ARL14EPL: variants seen among roughly 807,000 people sequenced by gnomAD.
ARL14EPL encodes ARL14 effector protein-like.
In ARL14EPL, 17 loss-of-function variants were observed where a neutral mutation model predicts 15.9. The ratio of observed to expected loss-of-function variants is 1.07; its 90% CI spans 0.73 to 1.60. The LOEUF (loss-of-function observed/expected upper bound fraction) is 1.60. Among genes scored for constraint, ARL14EPL ranks in the 40% most tolerant of loss-of-function variants. The pLI is 0.00. For missense variants in ARL14EPL, 214 were observed against 185.9 expected, an observed-to-expected ratio of 1.15 and a Z score of -0.88; for synonymous variants, 78 against 63.8, an observed-to-expected ratio of 1.22 and a Z score of -1.06.
At chr5:116,051,602 T>C (rs1749380902) in intron 2 of ARL14EPL, 41 bp downstream of exon 2, 1 of 1,462,808 alleles carries the variant, frequency 6.8e-7, no homozygotes. Flanking sequence ...TACTGGGGAG[T>C]GCCCCCTCGA....
At chr5:116,042,119 C>T (rs1488402223) in intron 1 of ARL14EPL, among the ~76,000 whole-genome samples, 1 of 152,172 alleles carries the variant, frequency 6.6e-6, no homozygotes, top group African/African-American at 2.4e-5. Flanking sequence ...GTGTGAGCCA[C>T]AATGTCTGAC....
rs1212689025 is a variant in ARL14EPL at position 116,051,518 on chromosome 5, A to T, written c.53A>T (p.His18Leu). 4 of 1,535,666 alleles carry T rather than the reference A, an allele frequency of 2.6e-6. No homozygotes were observed. Among genetic ancestry groups the T allele is most frequent in the African/African-American group, 2.7e-5 (2 of 73,052 alleles). ...TCCATTCAAGAGAGACACACAGATC[A>T]TAGTTTTCCTGAGAAGAACTGTCAA... is the stretch of plus-strand genomic sequence containing the variant. ...NNSIQERHTD[H>L]SFPEKNCQIG... Residue 18 changes from histidine (H) to leucine (L), a missense_variant, in exon 2 of 4, where the codon CAT becomes CTT. Coordinates refer to ENST00000686077, the MANE Select transcript of ARL14EPL (RefSeq NM_001195581.2).
chr5:116,041,083 T>G (rs1749148549), intron 1 of ARL14EPL, among the ~76,000 whole-genome samples: 1 of 150,334 alleles, frequency 6.7e-6, no homozygotes, highest in African/African-American at 2.5e-5. Flanking sequence ...GCACAGGGAG[T>G]TCTCATGTAT....
At position 116,054,067 on chromosome 5, in the gene ARL14EPL, G is replaced by C; in HGVS notation, c.150G>C (p.Gln50His). ...TGGCATTTCGAAACCCTGGACCACAGGTAGCAGACTTTAATCCTGAAACAA... is the reference window on the plus strand; with the variant it reads ...TGGCATTTCGAAACCCTGGACCACACGTAGCAGACTTTAATCCTGAAACAA... Reference protein sequence around the residue: ...KCLAFRNPGPQVADFNPETRQ... With the variant: ...KCLAFRNPGPHVADFNPETRQ... The change falls in exon 3 of 4, where the codon CAG becomes CAC. Residue 50 changes from glutamine to histidine, a missense_variant. Physicochemically the swap from Gln to His is conservative, Grantham distance 24 (BLOSUM62 0). Transcript: ENST00000686077. The C allele has an allele frequency of 2.0e-6, 3 of 1,535,712 alleles. No homozygotes were observed. Among genetic ancestry groups the C allele is most frequent in the South Asian group, 1.2e-5 (1 of 83,998 alleles).
At chr5:116,038,087 G>C (rs756242616) in intron 1 of ARL14EPL, among the ~76,000 whole-genome samples, 3 of 151,982 alleles carry the variant, frequency 2.0e-5, no homozygotes, top group African/African-American at 7.2e-5. Flanking sequence ...GAGTGGGTTA[G>C]AACCTGAAAA....
intron 1 of ARL14EPL, among the ~76,000 whole-genome samples, chr5:116,035,233 C>G (rs1561575421): frequency 6.6e-6 from 1 of 152,194 alleles, no homozygotes; most frequent in East Asian, 1.9e-4. Flanking sequence ...CCAGTGCACA[C>G]AAAATAGCTA....
chr5:116,048,137 G>C (rs1749307439), intron 1 of ARL14EPL, among the ~76,000 whole-genome samples: 1 of 152,174 alleles, frequency 6.6e-6, no homozygotes, highest in Non-Finnish European at 1.5e-5. Context: ...GGAGTCTGAT[G>C]CTTGGGGGAG....
At chr5:116,041,110 A>G (rs143840269) in intron 1 of ARL14EPL, among the ~76,000 whole-genome samples, 2,146 of 152,158 alleles carry the variant, frequency 0.014, 21 homozygotes, top group Non-Finnish European at 0.02. Context: ...GTTATCCCCC[A>G]ACAGTTTCCC....
intron 1 of ARL14EPL, among the ~76,000 whole-genome samples, chr5:116,039,632 A>G (rs1580410915): frequency 6.6e-6 from 1 of 152,178 alleles, no homozygotes; most frequent in East Asian, 1.9e-4. Flanking sequence ...CATACCTCTT[A>G]GAACAACAGA....
At chr5:116,057,619 T>A (rs555256004) in intron 3 of ARL14EPL, among the ~76,000 whole-genome samples, 1 of 152,316 alleles carries the variant, frequency 6.6e-6, no homozygotes, top group East Asian at 1.9e-4. Context: ...AAGAGTTTCA[T>A]TCCACAAATA....
intron 2 of ARL14EPL, among the ~76,000 whole-genome samples, chr5:116,053,367 A>G (rs1342289062): frequency 8.8e-5 from 13 of 147,744 alleles, no homozygotes; most frequent in African/African-American, 3.3e-4. Flanking sequence ...AAAAAAGAAA[A>G]GAAAGGAAAA....
chr5:116,053,901 C>A, intron 2 of ARL14EPL, 113 bp from the exon 3 acceptor site: 1 of 864,560 alleles, frequency 1.2e-6, no homozygotes, highest in South Asian at 2.3e-5. Flanking sequence ...TTGTGTAAAA[C>A]ATATATACTT....
intron 1 of ARL14EPL, among the ~76,000 whole-genome samples, chr5:116,044,355 G>T (rs1274058529): frequency 6.6e-6 from 1 of 152,136 alleles, no homozygotes; most frequent in Non-Finnish European, 1.5e-5. Context: ...TGTTTAGAGG[G>T]TGGTAATTTA....
intron 1 of ARL14EPL, among the ~76,000 whole-genome samples, chr5:116,035,120 G>A (rs1218060456): frequency 6.6e-6 from 1 of 152,122 alleles, no homozygotes. Flanking sequence ...GATATATCCC[G>A]CAGAGCAGCT....
chr5:116,042,711 G>A (rs761717554), intron 1 of ARL14EPL, among the ~76,000 whole-genome samples: 1 of 152,154 alleles, frequency 6.6e-6, no homozygotes, highest in Non-Finnish European at 1.5e-5. Context: ...GTTTCCTACT[G>A]TAGCCCCTCC....
In ARL14EPL at chr5:116,047,252, G is replaced by C. The variant is rs1749285301; in HGVS notation, c.-9-4205G>C. On this transcript the variant is annotated intron_variant, in intron 1 of 3. Coordinates refer to ENST00000686077, the MANE Select transcript of ARL14EPL (RefSeq NM_001195581.2). ...GCTTTTCTTTCCTAGTATACCCTTT[G>C]AGTGTTGCGTTTCTGAAGAAGAGCT... Among the ~76,000 whole-genome samples, 5 of 152,326 alleles carry C rather than the reference G, an allele frequency of 3.3e-5. No homozygotes were observed. In the South Asian group the frequency reaches 1.0e-3, roughly 32 times the overall value.
chr5:116,051,787 C>T, intron 2 of ARL14EPL: 1 of 747,476 alleles, frequency 1.3e-6, no homozygotes, highest in Non-Finnish European at 2.1e-6. Context: ...ATTTTTAGCC[C>T]AGTGTTCTGT....
intron 1 of ARL14EPL, among the ~76,000 whole-genome samples, chr5:116,036,079 G>A (rs1749045168): frequency 6.6e-6 from 1 of 152,190 alleles, no homozygotes; most frequent in Admixed American, 6.5e-5. Flanking sequence ...GCATTAAAAG[G>A]TGGTTTTGGA....
chr5:116,056,947 C>A (rs1749530855), intron 3 of ARL14EPL, among the ~76,000 whole-genome samples: 1 of 152,136 alleles, frequency 6.6e-6, no homozygotes. Context: ...CATCCTGATA[C>A]CAAAGCCTGG....
Sources: gnomAD v4.1 joint callset for allele counts (sites outside exome capture counted in the v4.1 genomes callset) on GRCh38, gnomAD v4.1.1 for gene constraint, MANE v1.5 for transcripts, NCBI Gene and HGNC (gene_info 2026-07-23, HGNC 2026-07-21) for gene names.